The following NIPBL variants were observed in gnomAD, a reference collection of about 807,000 sequenced individuals.
NIPBL encodes the protein nipped-B-like protein.
NIPBL carries 19 observed loss-of-function variants against 321.8 expected under a neutral mutation model. The ratio of observed to expected loss-of-function variants is 0.06; its 90% confidence interval spans 0.04 to 0.09. The LOEUF is 0.09. Among genes scored for constraint, NIPBL ranks in the 10% least tolerant of loss-of-function variants. The pLI is 1.00. For missense variants in NIPBL, 2,210 were observed against 3,327.0 expected, an observed-to-expected ratio of 0.66 and a Z score of 8.26; for synonymous variants, 1,106 against 1,114.1, an observed-to-expected ratio of 0.99 and a Z score of 0.14.
intron 10 of NIPBL, 112 bp downstream of exon 10, chr5:36,986,413 T>C (rs940173000): frequency 8.2e-6 from 6 of 733,264 alleles, no homozygotes; most frequent in Non-Finnish European, 1.2e-5. Context: ...CATGAAAATA[T>C]AACATTTATG....
chr5:36,954,458 T>A (rs1457960809), intron 2 of NIPBL, among the ~76,000 whole-genome samples: 1 of 152,206 alleles, frequency 6.6e-6, no homozygotes, highest in Non-Finnish European at 1.5e-5. Context: ...TTATGAGGTC[T>A]AAATTAACAG....
chr5:37,022,144 G>T lies in NIPBL; in HGVS notation c.5422G>T (p.Ala1808Ser). The T allele has an allele frequency of 6.2e-7, 1 of 1,613,948 alleles. No homozygotes were observed. ...EVVAVDPSIL[A>S]RLDMQRGVHG... is the part of the protein sequence containing the mutation. ...TGTTGCTGTAGACCCCAGTATTCTA[G>T]CAAGGGTAAAGAGCAAAAATGATTC... The change falls in exon 28 of 47, where the codon GCA (alanine) becomes TCA (serine). Residue 1808 changes from alanine (A) to serine (S), a missense_variant. Around this residue, in one of 14 missense-constraint regions of NIPBL, gnomAD observed 49 missense variants for 163.6 expected, o/e 0.30. Coordinates refer to ENST00000282516, the MANE Select transcript of NIPBL (RefSeq NM_133433.4).
chr5:37,042,896 C>CGT (rs1416062853), intron 34 of NIPBL, among the ~76,000 whole-genome samples: 3 of 148,650 alleles, frequency 2.0e-5, no homozygotes, highest in East Asian at 2.0e-4. Flanking sequence ...TACACACACG[C>CGT]GCGCACACAC....
rs996913458 is a variant in NIPBL at position 37,065,976 on chromosome 5, C to G, written c.*1084C>G. The G allele has an allele frequency of 1.3e-5, 2 of 152,288 alleles. No individual in the cohort carries two copies. Among genetic ancestry groups the G allele is most frequent in the African/African-American group, 4.8e-5 (2 of 41,438 alleles). The allele number at this position is 152,288 out of a possible 1,614,324, so 9.4% of individuals were successfully genotyped here. On this transcript the variant is annotated 3_prime_UTR_variant, in exon 47 of 47. Transcript: ENST00000282516. Reference sequence around the variant, plus strand: ...AGAACTAGAGTTGAGATGAATATGACACTTCATAATTACACTCACTACATT... The same window carrying G: ...AGAACTAGAGTTGAGATGAATATGAGACTTCATAATTACACTCACTACATT...
chr5:36,929,862 G>A (rs941655027), intron 1 of NIPBL, among the ~76,000 whole-genome samples: 6 of 151,878 alleles, frequency 4.0e-5, no homozygotes, highest in African/African-American at 1.5e-4. Flanking sequence ...TGAATTTTGT[G>A]GGCATCTTTG....
At chr5:37,043,405 G>A (rs944537113) in intron 34 of NIPBL, among the ~76,000 whole-genome samples, 3 of 151,942 alleles carry the variant, frequency 2.0e-5, no homozygotes, top group Admixed American at 6.6e-5. Flanking sequence ...GTGGGCGCCT[G>A]TAATCCCAGC....
chr5:37,048,978 C>T, intron 39 of NIPBL, 133 bp from the exon 40 acceptor site: 1 of 892,148 alleles, frequency 1.1e-6, no homozygotes, highest in East Asian at 2.6e-5. Flanking sequence ...CACTCACACA[C>T]AGATTAAGAA....
intron 10 of NIPBL, among the ~76,000 whole-genome samples, chr5:36,988,289 T>C (rs891970772): frequency 1.3e-5 from 2 of 152,288 alleles, no homozygotes; most frequent in African/African-American, 4.8e-5. Flanking sequence ...CATGTTAGTA[T>C]GTAAGTAAGC....
intron 1 of NIPBL, among the ~76,000 whole-genome samples, chr5:36,917,190 C>T (rs1203933619): frequency 6.6e-6 from 1 of 151,500 alleles, no homozygotes; most frequent in Non-Finnish European, 1.5e-5. Flanking sequence ...AGTGGATCGC[C>T]ATTCTAATTG....
chr5:36,891,324 C>G (rs528460708), intron 1 of NIPBL, among the ~76,000 whole-genome samples: 1 of 152,250 alleles, frequency 6.6e-6, no homozygotes, highest in Non-Finnish European at 1.5e-5. Flanking sequence ...TAGTCTAATA[C>G]AGTTTATAGA....
intron 27 of NIPBL, among the ~76,000 whole-genome samples, chr5:37,021,318 C>T (rs1293502515): frequency 6.6e-6 from 1 of 151,478 alleles, no homozygotes; most frequent in African/African-American, 2.4e-5. Context: ...AAAGAAAGTC[C>T]TTGTTCTACA....
At chr5:37,023,891 C>T (rs114888573) in intron 29 of NIPBL, among the ~76,000 whole-genome samples, 38 of 151,438 alleles carry the variant, frequency 2.5e-4, no homozygotes, top group Middle Eastern at 3.4e-3. Flanking sequence ...ATAGGCCAGG[C>T]GCAGTGCCTC....
chr5:37,012,239 G>A (rs547488831), intron 21 of NIPBL, among the ~76,000 whole-genome samples: 50 of 149,736 alleles, frequency 3.3e-4, no homozygotes, highest in African/African-American at 1.2e-3. Flanking sequence ...AGCCTCAACC[G>A]CCTAGGCTCA....
At chr5:37,061,077 T>TG (rs1385004465) in intron 45 of NIPBL, 59 bp downstream of exon 45, 7 of 1,309,908 alleles carry the variant, frequency 5.3e-6, no homozygotes, top group African/African-American at 4.4e-5. Context: ...CAAGTAAATG[T>TG]GGGGGGCCGG....
intron 32 of NIPBL, among the ~76,000 whole-genome samples, chr5:37,028,266 G>C (rs1431628649): frequency 7.0e-6 from 1 of 143,820 alleles, no homozygotes. Context: ...TCCCAGTCTT[G>C]TTATAGCTAT....
At chr5:36,922,486 C>G (rs1749022780) in intron 1 of NIPBL, among the ~76,000 whole-genome samples, 1 of 152,000 alleles carries the variant, frequency 6.6e-6, no homozygotes, top group African/African-American at 2.4e-5. Flanking sequence ...GGTCAGTTTT[C>G]TTTTGGCCAT....
chr5:37,055,605 G>A (rs1363184174), intron 42 of NIPBL, among the ~76,000 whole-genome samples: 2 of 151,998 alleles, frequency 1.3e-5, no homozygotes, highest in Non-Finnish European at 2.9e-5. Flanking sequence ...AGGAAAGTGT[G>A]GGTAATAGTC....
chr5:37,048,709 A>G (rs2149737217), intron 39 of NIPBL, 34 bp downstream of exon 39: 1 of 1,448,100 alleles, frequency 6.9e-7, no homozygotes, highest in Non-Finnish European at 9.6e-7. Context: ...TTTCATAGCT[A>G]CATTTATATT....
At chr5:36,879,101 T>G (rs1745319686) in intron 1 of NIPBL, among the ~76,000 whole-genome samples, 1 of 152,218 alleles carries the variant, frequency 6.6e-6, no homozygotes, top group Non-Finnish European at 1.5e-5. Flanking sequence ...TATAAATGTT[T>G]AAAAGGCCTT....
Sources: gnomAD v4.1 joint callset for allele counts (sites outside exome capture counted in the v4.1 genomes callset) on GRCh38, gnomAD v4.1.1 for gene constraint, gnomAD v4.1.1 regional missense constraint, MANE v1.5 for transcripts, NCBI Gene and HGNC (gene_info 2026-07-23, HGNC 2026-07-21) for gene names.